COL1A2: variants seen among roughly 807,000 people sequenced by gnomAD.
COL1A2 encodes the protein collagen alpha-2(I) chain.
COL1A2 carries 49 observed loss-of-function variants against 174.3 expected under a neutral mutation model. The ratio of observed to expected loss-of-function variants is 0.28; its 90% confidence interval spans 0.22 to 0.36. The LOEUF is 0.36. Ranked by LOEUF, COL1A2 falls within the 10% of genes least tolerant of loss-of-function variation. COL1A2 has a pLI of 1.00. For synonymous variants in COL1A2, 655 were observed against 606.6 expected, an observed-to-expected ratio of 1.08 and a Z score of -1.17; for missense variants, 1,438 against 1,822.7, an observed-to-expected ratio of 0.79 and a Z score of 3.84.
At position 94,419,550 on chromosome 7, in the gene COL1A2, G is replaced by A. The variant is rs34147460; in HGVS notation, c.2078G>A (p.Arg693Gln). Residue 693 changes from arginine to glutamine, a missense_variant and splice_region_variant, in exon 34 of 52, where the codon CGG becomes CAG. Around this residue, in one of 3 missense-constraint regions of COL1A2, gnomAD observed 867 missense variants for 1,213.7 expected, o/e 0.71. Coordinates refer to ENST00000297268, the MANE Select transcript of COL1A2 (RefSeq NM_000089.4). Reference protein sequence around the residue: ...APGPAGATGDRGEAGAAGPAG... With the variant: ...APGPAGATGDQGEAGAAGPAG... ...GGTCCTGCTGGAGCCACAGGTGACCGGGTAAGCATGCATTTTCACTAAGCC... is the reference window on the plus strand; with the variant it reads ...GGTCCTGCTGGAGCCACAGGTGACCAGGTAAGCATGCATTTTCACTAAGCC... 2,140 of 1,614,002 alleles carry A rather than the reference G, an allele frequency of 1.3e-3. 5 individuals are homozygous for A. Among genetic ancestry groups the A allele is most frequent in the Non-Finnish European group, 1.1e-3 (1,249 of 1,179,956 alleles).
chr7:94,430,046 T>A (rs1021534611), intron 51 of COL1A2: 87 of 598,760 alleles, frequency 1.5e-4, no homozygotes, highest in Non-Finnish European at 2.3e-4. Flanking sequence ...TGTTTGTTTG[T>A]TTTTTGTTAG....
chr7:94,425,012 C>G lies in COL1A2; in HGVS notation c.2674-105C>G, dbSNP rs1343608351. ...TGTGACCCATTCACATTCAATTTAC[C>G]TTCTTCCTTCAAACTAGAATCTCCT... is the stretch of plus-strand genomic sequence containing the variant. On this transcript the variant is annotated intron_variant, in intron 41 of 51. Coordinates refer to ENST00000297268, the MANE Select transcript of COL1A2 (RefSeq NM_000089.4). 3.2e-6 allele frequency: 3 copies of G among 946,500 alleles called. No individual in the cohort carries two copies. In the East Asian group the frequency reaches 7.6e-5, roughly 24 times the overall value. 58.6% of individuals were successfully genotyped at this position (946,500 alleles called of 1,614,324 possible). A position where few individuals can be genotyped will look rare whatever the true frequency, so the allele number is the denominator to read the frequency against.
At chr7:94,421,478 C>G (rs1792161478) in intron 38 of COL1A2, 1 of 362,580 alleles carries the variant, frequency 2.8e-6, no homozygotes, top group Admixed American at 4.2e-5. Flanking sequence ...TTATCTAGGT[C>G]ATTTGTTATT....
chr7:94,411,941 A>G, intron 23 of COL1A2, 127 bp from the exon 24 acceptor site: 1 of 751,724 alleles, frequency 1.3e-6, no homozygotes. Flanking sequence ...TAATATTCCT[A>G]ATGATTTACC....
chr7:94,420,235 C>T lies in COL1A2; in HGVS notation c.2082C>T (p.Gly694=), dbSNP rs193229878. 43 of 1,613,198 alleles carry T rather than the reference C, an allele frequency of 2.7e-5. No individual in the cohort carries two copies. The highest frequency in any genetic ancestry group is 2.3e-4 in the African/African-American group (17 of 74,870). ...PGPAGATGDR[G]EAGAAGPAGP... is the part of the protein sequence containing the mutation. ...ATTCATCTTTGGTCCCATTATAGGGCGAAGCTGGGGCTGCTGGTCCTGCTG... is the reference window on the plus strand; with the variant it reads ...ATTCATCTTTGGTCCCATTATAGGGTGAAGCTGGGGCTGCTGGTCCTGCTG... Residue 694 remains glycine, a splice_region_variant and synonymous_variant, in exon 35 of 52, where the codon GGC becomes GGT. Coordinates refer to ENST00000297268, the MANE Select transcript of COL1A2 (RefSeq NM_000089.4).
In COL1A2 at chr7:94,411,100, A is replaced by G. The variant is rs1174600541; in HGVS notation, c.1296A>G (p.Arg432=). The G allele has an allele frequency of 1.9e-6, 3 of 1,602,536 alleles. No homozygotes were observed. Among genetic ancestry groups the G allele is most frequent in the Admixed American group, 1.7e-5 (1 of 58,604 alleles). The part of the protein sequence containing the change: ...SRGASGPAGV[R]GPNGDAGRPG... ...GTGCAAGTGGCCCTGCTGGAGTCCG[A>G]GGACCTAATGGAGATGCTGGTCGCC... The change falls in exon 23 of 52, where the codon CGA becomes CGG. Residue 432 remains arginine (R), a synonymous_variant. Transcript: ENST00000297268.
chr7:94,395,407 G>A (rs764496850), intron 1 of COL1A2: 11 of 397,096 alleles, frequency 2.8e-5, no homozygotes, highest in Non-Finnish European at 5.2e-5. Flanking sequence ...CTAAGGATGA[G>A]ATATTAACGA....
chr7:94,405,589 G>C (rs1239040128), intron 10 of COL1A2, 84 bp from the exon 11 acceptor site: 9 of 1,295,864 alleles, frequency 6.9e-6, no homozygotes, highest in African/African-American at 1.5e-5. Context: ...ACTTTGATGA[G>C]AATAAATACT....
At chr7:94,395,866 A>T (rs891587576) in intron 1 of COL1A2, among the ~76,000 whole-genome samples, 1 of 152,182 alleles carries the variant, frequency 6.6e-6, no homozygotes, top group Non-Finnish European at 1.5e-5. Flanking sequence ...AACATTTTTT[A>T]ACTCAAATCT....
At position 94,396,463 on chromosome 7, in the gene COL1A2, G is replaced by C. The variant is rs142744054; in HGVS notation, c.71-1285G>C. On this transcript the variant is annotated intron_variant, in intron 1 of 51. Transcript: ENST00000297268. ...GAGTTCATATTTTTAATGAGATCTT[G>C]AGAGTGGGAGGAAAGAGTCGGCTCC... 9.7e-4 allele frequency among the ~76,000 whole-genome samples: 148 copies of C among 152,196 alleles called. 1 individual carries two copies. The highest frequency in any genetic ancestry group is 3.5e-3 in the African/African-American group (145 of 41,510).
chr7:94,426,031 G>C lies in COL1A2; in HGVS notation c.2977G>C (p.Val993Leu), dbSNP rs1792270576. ...PSGPVGPAGA[V>L]GPRGPSGPQG... ...TGGTCCTGTTGGTCCTGCTGGTGCT[G>C]TTGGCCCAAGAGGTCCTAGTGTATG... Residue 993 changes from valine (V) to leucine (L), a missense_variant, in exon 45 of 52, where the codon GTT (valine) becomes CTT (leucine). Val to Leu is a conservative substitution (Grantham distance 32). This residue lies in a region of COL1A2 where 867 missense variants were observed against 1,213.7 expected (regional missense o/e 0.71). Coordinates refer to ENST00000297268, the MANE Select transcript of COL1A2 (RefSeq NM_000089.4). 1 of 1,614,110 alleles carries C rather than the reference G, an allele frequency of 6.2e-7. No individual in the cohort carries two copies. Among genetic ancestry groups the C allele is most frequent in the South Asian group, 1.1e-5 (1 of 91,080 alleles).
rs1037702830 is a variant in COL1A2, at chr7:94,399,784, C to A, written c.133-412C>A. On this transcript the variant is annotated intron_variant, in intron 4 of 51. Transcript: ENST00000297268. The stretch of plus-strand genomic sequence containing the variant: ...AAAGTGACCTTATTAACTGTCACAT[C>A]AGTTAATTCATTCACATGTAACATA... 2.6e-5 allele frequency among the ~76,000 whole-genome samples: 4 copies of A among 152,140 alleles called. No individual in the cohort carries two copies. In the East Asian group the frequency reaches 5.8e-4, roughly 22 times the overall value.
intron 46 of COL1A2, chr7:94,426,734 C>T (rs1266426226): frequency 1.6e-6 from 1 of 633,764 alleles, no homozygotes; most frequent in Admixed American, 2.7e-5. Flanking sequence ...TAGAAATAGA[C>T]ATACAATAAA....
In COL1A2 at chr7:94,430,275, T is replaced by A. The variant is rs1285726652; in HGVS notation, c.3983T>A (p.Ile1328Asn). 6.2e-7 allele frequency: 1 copy of A among 1,614,004 alleles called. No individual in the cohort carries two copies. Among genetic ancestry groups the A allele is most frequent in the East Asian group, 2.2e-5 (1 of 44,872 alleles). The change falls in exon 52 of 52, where the codon ATC (isoleucine) becomes AAC (asparagine). Residue 1328 changes from isoleucine (I) to asparagine (N), a missense_variant. Transcript: ENST00000297268. Reference sequence around the variant, plus strand: ...AAGACAAATGAATGGGGAAAGACAATCATTGAATACAAAACAAATAAGCCA... The same window carrying A: ...AAGACAAATGAATGGGGAAAGACAAACATTGAATACAAAACAAATAAGCCA... ...SKKTNEWGKT[I>N]IEYKTNKPSR... is the part of the protein sequence containing the mutation.
intron 17 of COL1A2, 39 bp downstream of exon 17, chr7:94,409,459 A>T (rs771617809): frequency 6.2e-7 from 1 of 1,612,556 alleles, no homozygotes. Flanking sequence ...TGAGTAAAAG[A>T]AAACAAAGGT....
At chr7:94,409,181 A>G (rs1181015468) in intron 16 of COL1A2, 141 bp from the exon 17 acceptor site, 6 of 883,352 alleles carry the variant, frequency 6.8e-6, no homozygotes, top group Non-Finnish European at 1.1e-5. Flanking sequence ...ACCAAACTCA[A>G]ATCTTGTAAT....
chr7:94,414,142 C>T, intron 28 of COL1A2, 80 bp from the exon 29 acceptor site: 1 of 1,480,172 alleles, frequency 6.8e-7, no homozygotes, highest in Non-Finnish European at 9.4e-7. Flanking sequence ...ATTTGGTAGC[C>T]ACCACCCCCA....
intron 37 of COL1A2, 168 bp downstream of exon 37, chr7:94,420,816 A>G: frequency 1.1e-6 from 1 of 900,642 alleles, no homozygotes; most frequent in Non-Finnish European, 1.8e-6. Context: ...TAAAAGTTTC[A>G]TGAATATTGT....
chr7:94,407,467 A>G (rs980736416), intron 12 of COL1A2, among the ~76,000 whole-genome samples: 2 of 152,324 alleles, frequency 1.3e-5, no homozygotes, highest in Middle Eastern at 3.4e-3. Flanking sequence ...TGAAAGTGAT[A>G]ACACTGAGTG....
Sources: allele counts gnomAD v4.1 joint callset (sites outside exome capture counted in the v4.1 genomes callset), GRCh38; gene constraint gnomAD v4.1.1; regional missense constraint gnomAD v4.1.1; transcripts MANE v1.5; gene names NCBI Gene and HGNC (gene_info 2026-07-23, HGNC 2026-07-21).